The following IL34 variants were observed in gnomAD, a reference collection of about 807,000 sequenced individuals.
IL34 encodes the protein interleukin-34.
In IL34, 17 loss-of-function variants were observed where a neutral mutation model predicts 25.3. That is an observed-to-expected ratio of 0.67 (90% confidence interval 0.46 to 1.01). The LOEUF is 1.01. IL34 is among the 50% of genes least tolerant of loss of function. The pLI is 0.00. For missense variants in IL34, 368 were observed against 312.9 expected, an observed-to-expected ratio of 1.18 and a Z score of -1.33; for synonymous variants, 174 against 140.9, an observed-to-expected ratio of 1.23 and a Z score of -1.66.
chr16:70,625,679 C>T (rs1044905000), intron 1 of IL34, among the ~76,000 whole-genome samples: 11 of 152,150 alleles, frequency 7.2e-5, no homozygotes, highest in African/African-American at 2.7e-4. Flanking sequence ...GCTGCCTTCC[C>T]AGTCCGTGAC....
At chr16:70,604,060 T>A (rs1014617466) in intron 1 of IL34, among the ~76,000 whole-genome samples, 1 of 152,138 alleles carries the variant, frequency 6.6e-6, no homozygotes, top group Admixed American at 6.6e-5. Flanking sequence ...GCTGTTCCAG[T>A]GAAGGAGAAA....
chr16:70,588,824 C>T (rs2050721557), intron 1 of IL34, among the ~76,000 whole-genome samples: 1 of 152,082 alleles, frequency 6.6e-6, no homozygotes, highest in South Asian at 2.1e-4. Flanking sequence ...TATGATTCTA[C>T]TTATGTAACG....
intron 1 of IL34, among the ~76,000 whole-genome samples, chr16:70,598,653 CGCTTGA>C (rs1259187540): frequency 6.6e-6 from 1 of 152,116 alleles, no homozygotes; most frequent in Non-Finnish European, 1.5e-5. Flanking sequence ...GTAGGAGAAT[CGCTTGA>C]ACCCAGGACA....
intron 1 of IL34, among the ~76,000 whole-genome samples, chr16:70,588,339 C>T (rs1462321001): frequency 1.3e-5 from 2 of 151,912 alleles, no homozygotes; most frequent in Non-Finnish European, 2.9e-5. Context: ...ACTAAAAATA[C>T]AAAAATTAGC....
chr16:70,638,954 A>G (rs940368815), intron 1 of IL34, among the ~76,000 whole-genome samples: 1 of 152,226 alleles, frequency 6.6e-6, no homozygotes, highest in Non-Finnish European at 1.5e-5. Flanking sequence ...ATCTATCTCC[A>G]TGTAGGTAGA....
intron 1 of IL34, among the ~76,000 whole-genome samples, chr16:70,649,941 G>A (rs945669982): frequency 6.6e-6 from 1 of 152,188 alleles, no homozygotes; most frequent in African/African-American, 2.4e-5. Flanking sequence ...TGGGACTACA[G>A]GCACCTGCCA....
chr16:70,624,008 T>C (rs1181687057), intron 1 of IL34, among the ~76,000 whole-genome samples: 1 of 151,366 alleles, frequency 6.6e-6, no homozygotes, highest in Non-Finnish European at 1.5e-5. Flanking sequence ...GCTCGGCGTC[T>C]GTGATGGTCT....
Position 70,660,172 on chromosome 16 carries a change from G to A in IL34, c.714G>A (p.Glu238=). Residue 238 remains glutamate, a synonymous_variant, in exon 6 of 6, where the codon GAG becomes GAA. Coordinates refer to ENST00000288098, the MANE Select transcript of IL34 (RefSeq NM_001393494.1). ...TGAGGCCGGTCAGGGCACAGGGCGA[G>A]GGCCTCTTGCCCTGAGCACCCTGGA... ...GSVRPVRAQG[E]GLLP The A allele has an allele frequency of 6.3e-7, 1 of 1,593,054 alleles. No homozygotes were observed. Among genetic ancestry groups the A allele is most frequent in the Non-Finnish European group, 8.5e-7 (1 of 1,170,792 alleles).
At chr16:70,638,742 C>G (rs2051713816) in intron 1 of IL34, among the ~76,000 whole-genome samples, 1 of 151,950 alleles carries the variant, frequency 6.6e-6, no homozygotes, top group African/African-American at 2.4e-5. Flanking sequence ...CCACATCTAG[C>G]TAATTAAAAA....
intron 1 of IL34, among the ~76,000 whole-genome samples, chr16:70,620,938 G>A (rs532861559): frequency 6.6e-6 from 1 of 152,268 alleles, no homozygotes; most frequent in East Asian, 1.9e-4. Flanking sequence ...AAGGAGGCAA[G>A]CCCAGAGAAA....
At chr16:70,591,793 CAG>C (rs2151808356) in intron 1 of IL34, among the ~76,000 whole-genome samples, 1 of 152,258 alleles carries the variant, frequency 6.6e-6, no homozygotes, top group South Asian at 2.1e-4. Flanking sequence ...AACTGAGGAT[CAG>C]AGAGGTTAAG....
At chr16:70,625,901 G>A (rs941635680) in intron 1 of IL34, among the ~76,000 whole-genome samples, 7 of 152,188 alleles carry the variant, frequency 4.6e-5, no homozygotes, top group Non-Finnish European at 7.3e-5. Context: ...TCTTGGGCTT[G>A]TCTGTCTAAG....
intron 1 of IL34, among the ~76,000 whole-genome samples, chr16:70,618,542 A>C (rs1172767401): frequency 6.6e-6 from 1 of 152,220 alleles, no homozygotes; most frequent in African/African-American, 2.4e-5. Flanking sequence ...GGGCCTCTAA[A>C]AGTATTAATG....
chr16:70,639,861 G>C (rs565769672), intron 1 of IL34, among the ~76,000 whole-genome samples: 55 of 152,108 alleles, frequency 3.6e-4, no homozygotes, highest in African/African-American at 1.3e-3. Flanking sequence ...AGGAGGCTAA[G>C]GTGAGAGGAT....
At chr16:70,615,622 A>C (rs983695921) in intron 1 of IL34, among the ~76,000 whole-genome samples, 1 of 152,166 alleles carries the variant, frequency 6.6e-6, no homozygotes, top group Non-Finnish European at 1.5e-5. Flanking sequence ...CTTTATGCAA[A>C]TGCAAGCATA....
At chr16:70,643,453 C>A (rs1436758833), upstream of IL34, among the ~76,000 whole-genome samples, 1 of 152,226 alleles carries the variant, frequency 6.6e-6, no homozygotes, top group African/African-American at 2.4e-5. Context: ...TCACTGCAGC[C>A]TTGACCTCCC....
chr16:70,643,344 G>C (rs1209161799), upstream of IL34, among the ~76,000 whole-genome samples: 1 of 152,220 alleles, frequency 6.6e-6, no homozygotes, highest in South Asian at 2.1e-4. Flanking sequence ...GATGACAGGA[G>C]TGAGCCACTG....
chr16:70,656,476 GCCCC>G, intron 2 of IL34, 122 bp from the exon 3 acceptor site: 1 of 714,016 alleles, frequency 1.4e-6, no homozygotes, highest in Non-Finnish European at 2.5e-6. Flanking sequence ...CCATGATGCT[GCCCC>G]TGCACTCCAT....
chr16:70,623,343 C>T (rs550073441), intron 1 of IL34, among the ~76,000 whole-genome samples: 2 of 152,116 alleles, frequency 1.3e-5, no homozygotes, highest in South Asian at 4.2e-4. Context: ...ATGGGTTTGA[C>T]ACCATAGGGT....
Sources: allele counts gnomAD v4.1 joint callset (sites outside exome capture counted in the v4.1 genomes callset), GRCh38; gene constraint gnomAD v4.1.1; transcripts MANE v1.5; gene names NCBI Gene and HGNC (gene_info 2026-07-23, HGNC 2026-07-21).